Variants in DIP2C observed in about 807,000 individuals in gnomAD.
The protein encoded by DIP2C is disco-interacting protein 2 homolog C.
Under a neutral mutation model 192.4 loss-of-function variants are expected in DIP2C, and 33 were observed. The observed-to-expected ratio is 0.17, with a 90% CI of 0.13 to 0.23. The LOEUF is 0.23. DIP2C is among the 10% of genes least tolerant of loss of function. The pLI, the probability that DIP2C is intolerant of heterozygous loss-of-function variation, is 1.00. For missense variants in DIP2C, 1,537 were observed against 2,110.1 expected, an observed-to-expected ratio of 0.73 and a Z score of 5.32; for synonymous variants, 979 against 864.1, an observed-to-expected ratio of 1.13 and a Z score of -2.33.
intron 1 of DIP2C, chr10:650,944 G>C (rs1483537642): frequency 8.4e-6 from 6 of 717,482 alleles, no homozygotes; most frequent in Non-Finnish European, 1.3e-5. Context: ...AGGCTACACA[G>C]CTCTGGCTGT....
At position 639,508 on chromosome 10, in the gene DIP2C, C is replaced by T. The variant is rs1024462318; in HGVS notation, c.85+49986G>A. Among the ~76,000 whole-genome samples, 118 of 152,196 alleles carry T rather than the reference C, an allele frequency of 7.8e-4. 2 individuals are homozygous for T. The highest frequency in any genetic ancestry group is 7.3e-3 in the Admixed American group (111 of 15,278). On this transcript the variant is annotated intron_variant, in intron 1 of 36. Coordinates refer to ENST00000280886, the MANE Select transcript of DIP2C (RefSeq NM_014974.3). Reference sequence around the variant, plus strand: ...TGTGTCAGGCTGTCAGGGTGCTGCCCGGCTCTCAGTATCAGCCGCATATGC... The same window carrying T: ...TGTGTCAGGCTGTCAGGGTGCTGCCTGGCTCTCAGTATCAGCCGCATATGC...
intron 1 of DIP2C, among the ~76,000 whole-genome samples, chr10:633,547 G>A (rs369463991): frequency 1.5e-3 from 233 of 152,272 alleles, no homozygotes; most frequent in African/African-American, 5.1e-3. Flanking sequence ...TTCCTCTCTC[G>A]GCCCATCCTG....
intron 26 of DIP2C, among the ~76,000 whole-genome samples, chr10:346,497 CGCACCCAGACACA>C: frequency 7.2e-6 from 1 of 138,402 alleles, no homozygotes; most frequent in South Asian, 2.4e-4. Flanking sequence ...AAACCCCACA[CGCACCCAGACACA>C]TCGCGCATAG....
At chr10:416,582 C>T (rs531412509) in intron 6 of DIP2C, among the ~76,000 whole-genome samples, 4 of 152,280 alleles carry the variant, frequency 2.6e-5, no homozygotes, top group African/African-American at 7.2e-5. Context: ...CTAGCCCCTA[C>T]CTATCCAAGT....
chr10:549,835 CCA>C (rs1848495306), intron 1 of DIP2C, among the ~76,000 whole-genome samples: 1 of 152,068 alleles, frequency 6.6e-6, no homozygotes, highest in South Asian at 2.1e-4. Context: ...AGATCTGAGT[CCA>C]CAGATACCTC....
intron 5 of DIP2C, among the ~76,000 whole-genome samples, chr10:419,881 A>AC (rs1966062102): frequency 1.3e-5 from 2 of 152,140 alleles, no homozygotes; most frequent in African/African-American, 4.8e-5. Context: ...CTCTTACAGC[A>AC]CCCCCTGGAG....
intron 1 of DIP2C, among the ~76,000 whole-genome samples, chr10:612,446 G>A (rs1853160642): frequency 1.3e-5 from 2 of 152,176 alleles, no homozygotes; most frequent in South Asian, 4.1e-4. Flanking sequence ...AGTTCCCCAA[G>A]GATGGAAGGA....
At chr10:568,272 A>G (rs1041901213) in intron 1 of DIP2C, among the ~76,000 whole-genome samples, 1 of 152,214 alleles carries the variant, frequency 6.6e-6, no homozygotes, top group Admixed American at 6.5e-5. Context: ...GAAGCCACAC[A>G]GGACCTGCAG....
Position 363,262 on chromosome 10 carries a change from C to T in DIP2C, c.2527G>A (p.Val843Met), listed in dbSNP as rs372917186. 7.7e-5 allele frequency: 124 copies of T among 1,613,390 alleles called. No homozygotes were observed. The highest frequency in any genetic ancestry group is 9.7e-5 in the Non-Finnish European group (115 of 1,180,024). Reference protein sequence around the residue: ...TVLHDERIVIVAEQRPDSTEE... With the variant: ...TVLHDERIVIMAEQRPDSTEE... Reference sequence around the variant, plus strand: ...GTGGAGTCAGGCCTCTGCTCAGCCACGATCACGATCCTCTCGTCGTGCAGC... The same window carrying T: ...GTGGAGTCAGGCCTCTGCTCAGCCATGATCACGATCCTCTCGTCGTGCAGC... The change falls in exon 21 of 37, where the codon GTG becomes ATG. Residue 843 changes from valine to methionine, a missense_variant. Physicochemically the swap from Val to Met is conservative, Grantham distance 21. This residue lies in a region of DIP2C where 677 missense variants were observed against 989.9 expected (regional missense o/e 0.68). Coordinates refer to ENST00000280886, the MANE Select transcript of DIP2C (RefSeq NM_014974.3). This position sits in a 1 kb window ranked among gnomAD's most constrained non-coding sequence, Gnocchi z 5.4.
chr10:659,562 T>G (rs542031996), intron 1 of DIP2C, among the ~76,000 whole-genome samples: 41 of 152,378 alleles, frequency 2.7e-4, no homozygotes, highest in Middle Eastern at 6.8e-3. Context: ...CAAATACATG[T>G]GAACATACGA....
intron 2 of DIP2C, among the ~76,000 whole-genome samples, chr10:473,173 G>A (rs769430494): frequency 1.4e-4 from 22 of 152,108 alleles, no homozygotes; most frequent in Admixed American, 2.0e-4. Flanking sequence ...AGATAAAAAC[G>A]GTTTAATGGT....
chr10:659,042 T>C (rs765482290), intron 1 of DIP2C, among the ~76,000 whole-genome samples: 1 of 151,966 alleles, frequency 6.6e-6, no homozygotes, highest in Non-Finnish European at 1.5e-5. Flanking sequence ...ATCACATTCA[T>C]AATACCAACA....
rs1014219095 is a variant in DIP2C, at chr10:276,829, T to A, written c.*496A>T. On this transcript the variant is annotated 3_prime_UTR_variant, in exon 37 of 37. Transcript: ENST00000280886. ...GAAGGTTTTCTCGTACCTCAAACTT[T>A]CCTAAAAGGATGAGATCTAGCAATG... 2 of 154,976 alleles carry A rather than the reference T, an allele frequency of 1.3e-5. No individual in the cohort carries two copies. Among genetic ancestry groups the A allele is most frequent in the African/African-American group, 4.8e-5 (2 of 41,468 alleles). The allele number at this position is 154,976 out of a possible 1,614,324, so 9.6% of individuals were successfully genotyped here.
intron 1 of DIP2C, among the ~76,000 whole-genome samples, chr10:514,585 G>C (rs559353525): frequency 6.6e-6 from 1 of 152,164 alleles, no homozygotes; most frequent in Non-Finnish European, 1.5e-5. Context: ...TCCAAGGACC[G>C]CGGGTTCCAG....
intron 1 of DIP2C, among the ~76,000 whole-genome samples, chr10:535,664 CTT>C (rs1373344673): frequency 6.6e-6 from 1 of 152,126 alleles, no homozygotes. Flanking sequence ...ATATTACCAT[CTT>C]TTCTCAAGAT....
At chr10:382,838 T>C (rs915264621) in intron 16 of DIP2C, 77 bp from the exon 17 acceptor site, 1 of 1,072,068 alleles carries the variant, frequency 9.3e-7, no homozygotes, top group Non-Finnish European at 1.3e-6. Flanking sequence ...AGAAAATAGT[T>C]CCGAAGGTGG....
intron 31 of DIP2C, among the ~76,000 whole-genome samples, chr10:312,082 T>C (rs894035580): frequency 2.6e-5 from 4 of 152,194 alleles, no homozygotes; most frequent in African/African-American, 7.2e-5. Context: ...GAGGCCAACA[T>C]GCATCTGAAG....
chr10:377,477 G>A (rs1489071762), intron 17 of DIP2C, among the ~76,000 whole-genome samples: 1 of 152,150 alleles, frequency 6.6e-6, no homozygotes, highest in Non-Finnish European at 1.5e-5. Flanking sequence ...TCATGGTCTG[G>A]GTCACGTGAT....
intron 1 of DIP2C, among the ~76,000 whole-genome samples, chr10:553,339 CAAG>C (rs1284225667): frequency 6.6e-6 from 1 of 152,222 alleles, no homozygotes; most frequent in Non-Finnish European, 1.5e-5. Context: ...CCTGGTCACT[CAAG>C]AAGGATTTGC....
Sources: allele counts gnomAD v4.1 joint callset (sites outside exome capture counted in the v4.1 genomes callset), GRCh38; gene constraint gnomAD v4.1.1; regional missense constraint gnomAD v4.1.1; non-coding constraint Gnocchi (gnomAD v3.1); transcripts MANE v1.5; gene names NCBI Gene and HGNC (gene_info 2026-07-23, HGNC 2026-07-21).